Variants in DPYS observed in about 807,000 individuals in gnomAD.
The protein encoded by DPYS is dihydropyrimidinase.
In DPYS, 39 loss-of-function variants were observed where a neutral mutation model predicts 50.3. That is an observed-to-expected ratio of 0.78 (90% confidence interval 0.60 to 1.01). The LOEUF (loss-of-function observed/expected upper bound fraction) is 1.01, where lower values mean the gene tolerates loss of function less well. Among genes scored for constraint, DPYS ranks in the 50% least tolerant of loss-of-function variants. The pLI is 0.00. For missense variants in DPYS, 659 were observed against 680.9 expected (o/e 0.97, Z 0.36); for synonymous variants, 245 against 250.7 (o/e 0.98, Z 0.22).
Position 104,466,892 on chromosome 8 carries a change from C to T in DPYS, c.29G>A (p.Arg10His), listed in dbSNP as rs199966726. The change falls in exon 1 of 10, where the codon CGC (arginine) becomes CAC (histidine). Residue 10 changes from arginine to histidine, a missense_variant. Arg to His is a conservative substitution (Grantham distance 29). Coordinates refer to ENST00000351513, the MANE Select transcript of DPYS (RefSeq NM_001385.3). ...GTCATCGTTGACCACGCGACCCCCG[C>T]GGATCAGGAGCCGCGAGGGCGCCGC... MAAPSRLLI[R>H]GGRVVNDDFS... The T allele has an allele frequency of 4.0e-4, 606 of 1,510,916 alleles. 3 individuals are homozygous for T. In the African/African-American group the frequency reaches 7.9e-3, roughly 20 times the overall value. The allele number at this position is 1,510,916 out of a possible 1,614,324, so 93.6% of individuals were successfully genotyped here.
At chr8:104,434,260 T>C (rs1487464167) in intron 4 of DPYS, among the ~76,000 whole-genome samples, 1 of 152,206 alleles carries the variant, frequency 6.6e-6, no homozygotes, top group Non-Finnish European at 1.5e-5. Context: ...CAAAGTTTTA[T>C]CATGCAGATG....
intron 7 of DPYS, among the ~76,000 whole-genome samples, chr8:104,399,861 C>A (rs1198607780): frequency 7.8e-5 from 5 of 64,336 alleles, no homozygotes; most frequent in Admixed American, 4.4e-4. Context: ...AGCAAGACTC[C>A]GTCTCAAAAA....
intron 8 of DPYS, among the ~76,000 whole-genome samples, chr8:104,388,363 T>G (rs1262376436): frequency 6.6e-6 from 1 of 152,112 alleles, no homozygotes; most frequent in Non-Finnish European, 1.5e-5. Context: ...AGGTTGGGGT[T>G]CCCTATTACT....
At chr8:104,408,492 A>T (rs183651286) in intron 7 of DPYS, among the ~76,000 whole-genome samples, 1 of 152,320 alleles carries the variant, frequency 6.6e-6, no homozygotes, top group East Asian at 1.9e-4. Context: ...AAAGGTAACA[A>T]TTTTTACCTG....
At position 104,466,859 on chromosome 8, in the gene DPYS, T is replaced by TC; in HGVS notation, c.61dup (p.Glu21GlyfsTer80). ...GTCCTCCACCAGCACGTCGGCCACC[T>TC]CCGAGAAGTCATCGTTGACCACGCG... On this transcript the variant is annotated frameshift_variant, in exon 1 of 10. Transcript: ENST00000351513. LOFTEE classifies it high-confidence loss of function. 6.6e-7 allele frequency: 1 copy of TC among 1,524,292 alleles called. No homozygotes were observed. Among genetic ancestry groups the TC allele is most frequent in the East Asian group, 2.5e-5 (1 of 39,570 alleles). The allele number at this position is 1,524,292 out of a possible 1,614,324, so 94.4% of individuals were successfully genotyped here. A position where few individuals can be genotyped will look rare whatever the true frequency, so the allele number is the denominator to read the frequency against.
chr8:104,441,514 C>T (rs1421984632), intron 4 of DPYS, among the ~76,000 whole-genome samples: 3 of 152,128 alleles, frequency 2.0e-5, no homozygotes, highest in Admixed American at 1.3e-4. Context: ...ATAAGGGGCC[C>T]TTAAAGTGAA....
intron 7 of DPYS, among the ~76,000 whole-genome samples, chr8:104,422,407 C>T (rs903598835): frequency 6.6e-6 from 1 of 152,196 alleles, no homozygotes; most frequent in African/African-American, 2.4e-5. Context: ...TACTGAATCT[C>T]ATGAAGAAAC....
intron 7 of DPYS, among the ~76,000 whole-genome samples, chr8:104,401,043 C>T (rs1214774885): frequency 1.3e-5 from 2 of 152,084 alleles, no homozygotes; most frequent in African/African-American, 4.8e-5. Context: ...TGTGGGTCTC[C>T]CCAACCCCAG....
At chr8:104,383,817 G>A (rs1261640651) in intron 8 of DPYS, among the ~76,000 whole-genome samples, 1 of 152,116 alleles carries the variant, frequency 6.6e-6, no homozygotes, top group Non-Finnish European at 1.5e-5. Flanking sequence ...GGCCAGGCTG[G>A]TCTTGAACTC....
intron 5 of DPYS, chr8:104,429,300 GAA>G (rs1812863916): frequency 1.9e-6 from 1 of 532,124 alleles, no homozygotes; most frequent in Admixed American, 3.2e-5. Context: ...AAAAAAGTCA[GAA>G]AAGAGTAAAG....
chr8:104,457,203 G>A (rs1813955244), intron 1 of DPYS, among the ~76,000 whole-genome samples: 1 of 152,154 alleles, frequency 6.6e-6, no homozygotes, highest in Non-Finnish European at 1.5e-5. Context: ...TGACTTGTGG[G>A]TGGCCACAAG....
chr8:104,421,103 C>A (rs1210662080), intron 7 of DPYS: 2 of 152,114 alleles, frequency 1.3e-5, no homozygotes, highest in African/African-American at 4.8e-5. Flanking sequence ...ACACATCAGG[C>A]TCTGGGGCCT....
chr8:104,466,894 G>C lies in DPYS; in HGVS notation c.27C>G (p.Ile9Met). 6.6e-7 allele frequency: 1 copy of C among 1,507,224 alleles called. No individual in the cohort carries two copies. The highest frequency in any genetic ancestry group is 1.2e-5 in the South Asian group (1 of 81,256). 93.4% of individuals were successfully genotyped at this position (1,507,224 alleles called of 1,614,324 possible). Residue 9 changes from isoleucine to methionine, a missense_variant, in exon 1 of 10, where the codon ATC (isoleucine) becomes ATG (methionine). Coordinates refer to ENST00000351513, the MANE Select transcript of DPYS (RefSeq NM_001385.3). ...CATCGTTGACCACGCGACCCCCGCG[G>C]ATCAGGAGCCGCGAGGGCGCCGCCA... MAAPSRLL[I>M]RGGRVVNDDF...
At chr8:104,398,398 C>T (rs1241968543) in intron 7 of DPYS, among the ~76,000 whole-genome samples, 1 of 152,226 alleles carries the variant, frequency 6.6e-6, no homozygotes, top group African/African-American at 2.4e-5. Context: ...CTGTGGGATG[C>T]CTGGGGCATC....
At chr8:104,386,602 G>C (rs185069814) in intron 8 of DPYS, among the ~76,000 whole-genome samples, 1,564 of 148,420 alleles carry the variant, frequency 0.011, 18 homozygotes, top group Admixed American at 0.015. Context: ...TGGGATGCTA[G>C]ATTTTCTTTT....
At chr8:104,416,714 G>A (rs1362154236) in intron 7 of DPYS, among the ~76,000 whole-genome samples, 2 of 152,038 alleles carry the variant, frequency 1.3e-5, no homozygotes, top group East Asian at 1.9e-4. Flanking sequence ...GGATTATAAC[G>A]CACAAATTAG....
intron 1 of DPYS, 111 bp downstream of exon 1, chr8:104,466,546 T>A: frequency 8.0e-7 from 1 of 1,245,814 alleles, no homozygotes; most frequent in Non-Finnish European, 1.0e-6. Flanking sequence ...CCCACCCAGC[T>A]CCTCGGCGCC....
In DPYS at chr8:104,451,493, T is replaced by C. The variant is rs1169897651; in HGVS notation, c.265-89A>G. The C allele has an allele frequency of 1.9e-6, 3 of 1,552,822 alleles. No individual in the cohort carries two copies. The South Asian group carries it at 3.4e-5, about 18-fold the overall frequency. Reference sequence around the variant, plus strand: ...TTGAACAATGTGCATTTGTAAGCACTTGGGCAAACTCGATGGGTCCAGGAA... The same window carrying C: ...TTGAACAATGTGCATTTGTAAGCACCTGGGCAAACTCGATGGGTCCAGGAA... On this transcript the variant is annotated intron_variant, in intron 1 of 9. Coordinates refer to ENST00000351513, the MANE Select transcript of DPYS (RefSeq NM_001385.3).
intron 1 of DPYS, among the ~76,000 whole-genome samples, chr8:104,457,896 T>A (rs1159263413): frequency 6.6e-6 from 1 of 152,160 alleles, no homozygotes; most frequent in East Asian, 1.9e-4. Flanking sequence ...TTCTTCCCTG[T>A]ATCCCCAAAT....
Sources: gnomAD v4.1 joint callset for allele counts (sites outside exome capture counted in the v4.1 genomes callset) on GRCh38, gnomAD v4.1.1 for gene constraint, MANE v1.5 for transcripts, NCBI Gene and HGNC (gene_info 2026-07-23, HGNC 2026-07-21) for gene names.